The following SEMA3D variants were observed in gnomAD, a reference collection of about 807,000 sequenced individuals.
SEMA3D encodes the protein semaphorin 3D.
Under a neutral mutation model 100.1 loss-of-function variants are expected in SEMA3D, and 84 were observed. The observed-to-expected ratio is 0.84, with a 90% CI of 0.70 to 1.01. The LOEUF is 1.01. SEMA3D is among the 50% of genes least tolerant of loss of function. The pLI is 0.00. For synonymous variants in SEMA3D, 312 were observed against 320.7 expected, an observed-to-expected ratio of 0.97 and a Z score of 0.29; for missense variants, 875 against 934.1, an observed-to-expected ratio of 0.94 and a Z score of 0.82.
chr7:85,021,572 A>T (rs560951598), intron 13 of SEMA3D, among the ~76,000 whole-genome samples: 2 of 151,946 alleles, frequency 1.3e-5, no homozygotes, highest in African/African-American at 4.8e-5. Context: ...CATAATTTTT[A>T]AAAATAAAAT....
At chr7:85,105,585 G>A (rs775242040) in intron 3 of SEMA3D, among the ~76,000 whole-genome samples, 1 of 152,044 alleles carries the variant, frequency 6.6e-6, no homozygotes, top group Non-Finnish European at 1.5e-5. Flanking sequence ...ACAAAAGACT[G>A]CTTCAAAATT....
rs145744184 is a variant in SEMA3D, at chr7:85,104,747, T to G, written c.152-6782A>C. On this transcript the variant is annotated intron_variant, in intron 3 of 18. Coordinates refer to ENST00000284136, the MANE Select transcript of SEMA3D (RefSeq NM_001384900.1). ...AGAGATCCCGAACTGGGTGGAGTTGTCAGTTTCTCTCACGAGAAGACTACA... is the reference window on the plus strand; with the variant it reads ...AGAGATCCCGAACTGGGTGGAGTTGGCAGTTTCTCTCACGAGAAGACTACA... Among the ~76,000 whole-genome samples, 704 of 151,714 alleles carry G rather than the reference T, an allele frequency of 4.6e-3. 7 individuals carry two copies. The highest frequency in any genetic ancestry group is 0.017 in the African/African-American group (687 of 41,358).
At chr7:85,182,201 T>A (rs1221769991) in intron 1 of SEMA3D, among the ~76,000 whole-genome samples, 2 of 152,130 alleles carry the variant, frequency 1.3e-5, no homozygotes, top group African/African-American at 4.8e-5. Context: ...AAACAATTTT[T>A]AAATAATTTT....
intron 1 of SEMA3D, among the ~76,000 whole-genome samples, chr7:85,165,019 C>T (rs1008334249): frequency 1.3e-5 from 2 of 151,388 alleles, no homozygotes; most frequent in Non-Finnish European, 2.9e-5. Context: ...CAACAGTCCC[C>T]AGTGTGTGAT....
At chr7:85,055,925 T>C (rs1444513522) in intron 8 of SEMA3D, 66 bp from the exon 9 acceptor site, 1 of 868,196 alleles carries the variant, frequency 1.2e-6, no homozygotes, top group Non-Finnish European at 1.7e-6. Context: ...AGTTTGATGA[T>C]ATTTCCACGT....
rs545958357 is a variant in SEMA3D at position 85,057,349 on chromosome 7, T to C, written c.719-1490A>G. Among the ~76,000 whole-genome samples the C allele has an allele frequency of 5.3e-5, 8 of 152,146 alleles. No individual in the cohort carries two copies. In the South Asian group the frequency reaches 1.7e-3, roughly 32 times the overall value. ...AAAGCAAAGAAGACAGAGAGTATGG[T>C]TATTGAGAAATGAAGGAAAGACTTC... On this transcript the variant is annotated intron_variant, in intron 8 of 18. Coordinates refer to ENST00000284136, the MANE Select transcript of SEMA3D (RefSeq NM_001384900.1).
chr7:85,095,468 GCTT>G (rs1360107346), intron 4 of SEMA3D, among the ~76,000 whole-genome samples: 1 of 151,892 alleles, frequency 6.6e-6, no homozygotes, highest in Non-Finnish European at 1.5e-5. Context: ...GTTGTAGATT[GCTT>G]TAACCCTAAA....
chr7:85,164,046 G>C (rs1378612745), intron 1 of SEMA3D, among the ~76,000 whole-genome samples: 1 of 152,056 alleles, frequency 6.6e-6, no homozygotes, highest in African/African-American at 2.4e-5. Flanking sequence ...AGACTCTTTT[G>C]GAAAACTTTT....
At chr7:85,010,455 A>T (rs1024233179) in intron 17 of SEMA3D, among the ~76,000 whole-genome samples, 12 of 151,814 alleles carry the variant, frequency 7.9e-5, no homozygotes, top group South Asian at 2.1e-4. Context: ...GGAGGCAGAG[A>T]GACCAGTGAA....
chr7:85,059,807 A>G (rs1426581354), intron 8 of SEMA3D, among the ~76,000 whole-genome samples: 1 of 152,228 alleles, frequency 6.6e-6, no homozygotes, highest in Admixed American at 6.5e-5. Flanking sequence ...ATAATAAAAT[A>G]GAACATAATG....
intron 9 of SEMA3D, chr7:85,050,869 T>C: frequency 2.5e-6 from 1 of 392,888 alleles, no homozygotes; most frequent in South Asian, 7.4e-5. Flanking sequence ...CACGCACCAC[T>C]ACCATCAACA....
intron 17 of SEMA3D, among the ~76,000 whole-genome samples, chr7:85,009,066 T>C (rs1789880279): frequency 6.6e-6 from 1 of 151,750 alleles, no homozygotes; most frequent in Admixed American, 6.6e-5. Flanking sequence ...ATTCAACTTG[T>C]TTTGTTCTAT....
the SEMA3D span, among the ~76,000 whole-genome samples, chr7:85,231,714 T>C: frequency 2.6e-5 from 4 of 152,120 alleles, no homozygotes; most frequent in Non-Finnish European, 5.9e-5. Context: ...CCTCCCAAAG[T>C]GCTGGGATTA....
intron 1 of SEMA3D, among the ~76,000 whole-genome samples, chr7:85,157,160 C>A (rs938448500): frequency 6.6e-6 from 1 of 151,976 alleles, no homozygotes; most frequent in African/African-American, 2.4e-5. Context: ...TATTCTATTT[C>A]TTGTTTTTGT....
At chr7:85,133,486 T>G (rs1789781996) in intron 2 of SEMA3D, among the ~76,000 whole-genome samples, 1 of 151,982 alleles carries the variant, frequency 6.6e-6, no homozygotes, top group South Asian at 2.1e-4. Context: ...AGCACGATGT[T>G]CTAAAACTAG....
chr7:85,092,425 G>A lies in SEMA3D; in HGVS notation c.312+5380C>T, dbSNP rs998362130. Among the ~76,000 whole-genome samples, 4 of 151,780 alleles carry A rather than the reference G, an allele frequency of 2.6e-5. No homozygotes were observed. In the East Asian group the frequency reaches 5.8e-4, roughly 22 times the overall value. ...AAAAGAAATGCTGGCTCAAGTAGAA[G>A]GGCAAAAGAAAAAAATATTCAAAGT... On this transcript the variant is annotated intron_variant, in intron 4 of 18. Coordinates refer to ENST00000284136, the MANE Select transcript of SEMA3D (RefSeq NM_001384900.1).
chr7:85,127,403 T>C (rs1789597192), intron 2 of SEMA3D, among the ~76,000 whole-genome samples: 1 of 152,134 alleles, frequency 6.6e-6, no homozygotes, highest in Non-Finnish European at 1.5e-5. Context: ...CTTATAGCCA[T>C]GTACTAAGAG....
At chr7:85,123,444 A>G (rs1789484067) in intron 2 of SEMA3D, among the ~76,000 whole-genome samples, 2 of 152,110 alleles carry the variant, frequency 1.3e-5, no homozygotes, top group South Asian at 4.2e-4. Context: ...GTTTTAAGAG[A>G]AGGCCTAATA....
the SEMA3D span, among the ~76,000 whole-genome samples, chr7:85,198,237 T>C: frequency 2.1e-4 from 32 of 152,266 alleles, no homozygotes; most frequent in African/African-American, 5.8e-4. Context: ...TTTTGTCTGT[T>C]TCTTAATGAT....
Sources: gnomAD v4.1 joint callset for allele counts (sites outside exome capture counted in the v4.1 genomes callset) on GRCh38, gnomAD v4.1.1 for gene constraint, MANE v1.5 for transcripts, NCBI Gene and HGNC (gene_info 2026-07-23, HGNC 2026-07-21) for gene names.